REG4: variants seen among roughly 807,000 people sequenced by gnomAD.
The protein encoded by REG4 is regenerating islet-derived protein 4.
A neutral mutation model predicts 22.3 loss-of-function variants in REG4; 16 were observed. That is an observed-to-expected ratio of 0.72 (90% CI 0.49 to 1.09). The LOEUF is 1.09. Ranked by LOEUF, REG4 falls within the 50% of genes least tolerant of loss-of-function variation. The pLI, the probability that REG4 is intolerant of heterozygous loss-of-function variation, is 0.00. For synonymous variants in REG4, 71 were observed against 69.2 expected (o/e 1.03, Z -0.13); for missense variants, 214 against 193.9 (o/e 1.10, Z -0.61).
chr1:119,797,315 C>G (rs1030829713), intron 5 of REG4, among the ~76,000 whole-genome samples: 2 of 152,194 alleles, frequency 1.3e-5, no homozygotes, highest in Non-Finnish European at 2.9e-5. Context: ...CAGCTGTGCT[C>G]TCACTGGTCT....
chr1:119,810,480 A>T (rs756533550), intron 1 of REG4, among the ~76,000 whole-genome samples: 1 of 152,224 alleles, frequency 6.6e-6, no homozygotes, highest in Non-Finnish European at 1.5e-5. Flanking sequence ...TTAAGGCAAC[A>T]TTAACTGAGA....
At chr1:119,795,638 G>A (rs1171016670) in intron 5 of REG4, among the ~76,000 whole-genome samples, 4 of 152,200 alleles carry the variant, frequency 2.6e-5, no homozygotes, top group African/African-American at 9.6e-5. Context: ...ATCTGGCCCT[G>A]TTCCCAGTGC....
At chr1:119,809,288 A>G (rs1654426862) in intron 1 of REG4, 1 of 152,378 alleles carries the variant, frequency 6.6e-6, no homozygotes, top group Non-Finnish European at 1.5e-5. Flanking sequence ...TCCAATACCC[A>G]CATTTTACAG....
At chr1:119,795,413 A>G (rs1242510726) in intron 5 of REG4, among the ~76,000 whole-genome samples, 1 of 152,220 alleles carries the variant, frequency 6.6e-6, no homozygotes, top group African/African-American at 2.4e-5. Context: ...AAGCTGCTAA[A>G]GCCATTCACA....
chr1:119,795,973 T>A (rs989359282), intron 5 of REG4, among the ~76,000 whole-genome samples: 9 of 152,194 alleles, frequency 5.9e-5, no homozygotes, highest in African/African-American at 2.2e-4. Context: ...CAGCTCACTA[T>A]AGGCACTAAG....
At chr1:119,802,993 A>G (rs587734461) in intron 3 of REG4, 75 bp downstream of exon 3, 8 of 1,599,588 alleles carry the variant, frequency 5.0e-6, no homozygotes, top group East Asian at 4.5e-5. Flanking sequence ...TTGATCCTGA[A>G]TCAAATGAGA....
chr1:119,803,081 C>A lies in REG4; in HGVS notation c.152G>T (p.Trp51Leu), dbSNP rs771640015. 4.4e-6 allele frequency: 7 copies of A among 1,595,528 alleles called. 1 individual carries two copies. Among genetic ancestry groups the A allele is most frequent in the South Asian group, 2.3e-5 (2 of 87,292 alleles). The part of the protein sequence containing the change: ...CYGYFRKLRN[W>L]SDAELECQSY... Reference sequence around the variant, plus strand: ...CAAGTTTCTTACCTCGGCATCAGACCAGTTCCTCAGCTTCCTGAAGTAACC... The same window carrying A: ...CAAGTTTCTTACCTCGGCATCAGACAAGTTCCTCAGCTTCCTGAAGTAACC... The change falls in exon 3 of 6, where the codon TGG (tryptophan) becomes TTG (leucine). Residue 51 changes from tryptophan (W) to leucine (L), a missense_variant. Physicochemically the swap from Trp to Leu is moderately conservative, Grantham distance 61. Transcript: ENST00000256585.
At position 119,808,882 on chromosome 1, in the gene REG4, G is replaced by A. The variant is rs1654409837; in HGVS notation, c.-94-19C>T. 1.5e-6 allele frequency: 1 copy of A among 648,932 alleles called. No individual in the cohort carries two copies. Among genetic ancestry groups the A allele is most frequent in the Non-Finnish European group, 2.7e-6 (1 of 371,994 alleles). 40.2% of individuals were successfully genotyped at this position (648,932 alleles called of 1,614,324 possible). A position where few individuals can be genotyped will look rare whatever the true frequency, so the allele number is the denominator to read the frequency against. On this transcript the variant is annotated intron_variant, in intron 1 of 5. Transcript: ENST00000256585. Reference sequence around the variant, plus strand: ...TGCAAATCTGAACACATTTGCACAGGTGAGAAGGACCCAGGAATCTAGATG... The same window carrying A: ...TGCAAATCTGAACACATTTGCACAGATGAGAAGGACCCAGGAATCTAGATG...
intron 2 of REG4, among the ~76,000 whole-genome samples, chr1:119,806,292 G>T (rs780765517): frequency 6.6e-6 from 1 of 152,042 alleles, no homozygotes; most frequent in Non-Finnish European, 1.5e-5. Context: ...GCAGGTCCAG[G>T]CCGTTTACAT....
At chr1:119,806,993 G>A (rs1162073484) in intron 2 of REG4, among the ~76,000 whole-genome samples, 1 of 152,182 alleles carries the variant, frequency 6.6e-6, no homozygotes, top group Non-Finnish European at 1.5e-5. Flanking sequence ...ACAAATAGTA[G>A]CTAGTTAAAA....
chr1:119,808,631 T>A (rs1357425186), intron 2 of REG4, 72 bp downstream of exon 2: 1 of 1,072,758 alleles, frequency 9.3e-7, no homozygotes, highest in Non-Finnish European at 1.4e-6. Context: ...TGTGGGCAAA[T>A]GGATGACTGT....
chr1:119,811,367 G>A (rs917131689), intron 1 of REG4, 42 bp downstream of exon 1: 4 of 152,206 alleles, frequency 2.6e-5, no homozygotes, highest in African/African-American at 9.6e-5. Flanking sequence ...GAAAACAGAT[G>A]TTTAAAGAAA....
In REG4 at chr1:119,804,940, T is replaced by C. The variant is rs926180203; in HGVS notation, c.68-1775A>G. Reference sequence around the variant, plus strand: ...GCCAGGCACCATGTTAGGTGTTTTATCCATATGGCATTTTTATCATAATTG... The same window carrying C: ...GCCAGGCACCATGTTAGGTGTTTTACCCATATGGCATTTTTATCATAATTG... On this transcript the variant is annotated intron_variant, in intron 2 of 5. Transcript: ENST00000256585. Among the ~76,000 whole-genome samples, 5 of 152,284 alleles carry C rather than the reference T, an allele frequency of 3.3e-5. No homozygotes were observed. In the East Asian group the frequency reaches 7.7e-4, roughly 24 times the overall value.
intron 5 of REG4, among the ~76,000 whole-genome samples, chr1:119,795,985 A>G (rs10802134): frequency 0.41 from 62,403 of 152,158 alleles, 13,855 homozygotes; most frequent in East Asian, 0.77. Context: ...GGCACTAAGC[A>G]AGAGGTCTGC....
At position 119,802,469 on chromosome 1, in the gene REG4, G is replaced by A. The variant is rs1299929431; in HGVS notation, c.165+599C>T. ...AGATCATGCCAAATGTACCTATATG[G>A]CTCCCCCAATTAATCACAATTCAGC... On this transcript the variant is annotated intron_variant, in intron 3 of 5. Coordinates refer to ENST00000256585, the MANE Select transcript of REG4 (RefSeq NM_032044.4). 12 of 1,011,788 alleles carry A rather than the reference G, an allele frequency of 1.2e-5. No homozygotes were observed. The Admixed American group carries it at 2.9e-4, about 25-fold the overall frequency. 62.7% of individuals were successfully genotyped at this position (1,011,788 alleles called of 1,614,324 possible). A position where few individuals can be genotyped will look rare whatever the true frequency, so the allele number is the denominator to read the frequency against.
intron 2 of REG4, among the ~76,000 whole-genome samples, chr1:119,804,672 C>G (rs904358545): frequency 6.6e-6 from 1 of 152,200 alleles, no homozygotes; most frequent in East Asian, 1.9e-4. Context: ...GCCGTTACTA[C>G]TAGTACCACT....
chr1:119,798,415 C>T, intron 5 of REG4, 82 bp downstream of exon 5: 1 of 1,070,474 alleles, frequency 9.3e-7, no homozygotes, highest in Non-Finnish European at 1.4e-6. Context: ...CAGTGGTCCC[C>T]TGTGCCTATT....
Position 119,808,864 on chromosome 1 carries a change from C to G in REG4, c.-94-1G>C. On this transcript the variant is annotated splice_acceptor_variant, in intron 1 of 5. Coordinates refer to ENST00000256585, the MANE Select transcript of REG4 (RefSeq NM_032044.4). LOFTEE classifies it low-confidence loss of function (5UTR_SPLICE). ...CCTGGGTTCTCCTTGATCTGCAAAT[C>G]TGAACACATTTGCACAGGTGAGAAG... 3.6e-6 allele frequency: 3 copies of G among 838,620 alleles called. No individual in the cohort carries two copies. The highest frequency in any genetic ancestry group is 2.6e-5 in the East Asian group (1 of 38,452). The allele number at this position is 838,620 out of a possible 1,614,324, so 51.9% of individuals were successfully genotyped here. A position where few individuals can be genotyped will look rare whatever the true frequency, so the allele number is the denominator to read the frequency against.
chr1:119,810,481 T>A (rs1654461527), intron 1 of REG4, among the ~76,000 whole-genome samples: 1 of 152,176 alleles, frequency 6.6e-6, no homozygotes, highest in Non-Finnish European at 1.5e-5. Flanking sequence ...TAAGGCAACA[T>A]TAACTGAGAA....
Sources: allele counts gnomAD v4.1 joint callset (sites outside exome capture counted in the v4.1 genomes callset), GRCh38; gene constraint gnomAD v4.1.1; transcripts MANE v1.5; gene names NCBI Gene and HGNC (gene_info 2026-07-23, HGNC 2026-07-21).